Variants in TRERF1 observed in about 807,000 individuals in gnomAD.
TRERF1 encodes transcriptional-regulating factor 1.
Under a neutral mutation model 122.9 loss-of-function variants are expected in TRERF1, and 27 were observed. That is an observed-to-expected ratio of 0.22 (90% confidence interval 0.16 to 0.30). The LOEUF is 0.30. Among genes scored for constraint, TRERF1 ranks in the 10% least tolerant of loss-of-function variants. The pLI is 1.00. For synonymous variants in TRERF1, 636 were observed against 641.7 expected, an observed-to-expected ratio of 0.99 and a Z score of 0.13; for missense variants, 1,248 against 1,560.3, an observed-to-expected ratio of 0.80 and a Z score of 3.37.
At chr6:42,421,481 C>T (rs1346668005) in intron 2 of TRERF1, among the ~76,000 whole-genome samples, 2 of 151,996 alleles carry the variant, frequency 1.3e-5, no homozygotes, top group Non-Finnish European at 2.9e-5. Context: ...TTTTTAAAAA[C>T]TGCTGGTCTT....
In TRERF1 at chr6:42,268,229, T is replaced by TC; in HGVS notation, c.1361_1362insG (p.Ser455IlefsTer30). ...TGTTGAGGTGGATCCCACTGGGGGA[T>TC]AGGAGGGGGCGATGGGGGAGGGTGC... is the stretch of plus-strand genomic sequence containing the variant. On this transcript the variant is annotated frameshift_variant, in exon 5 of 18. Coordinates refer to ENST00000372922, the Ensembl canonical transcript of TRERF1. LOFTEE classifies it high-confidence loss of function. This position sits in a 1 kb window ranked among gnomAD's most constrained non-coding sequence, Gnocchi z 4.4. 1 of 1,489,614 alleles carries TC rather than the reference T, an allele frequency of 6.7e-7. No homozygotes were observed. The highest frequency in any genetic ancestry group is 1.4e-5 in the African/African-American group (1 of 71,066). 92.3% of individuals were successfully genotyped at this position (1,489,614 alleles called of 1,614,324 possible). A position where few individuals can be genotyped will look rare whatever the true frequency, so the allele number is the denominator to read the frequency against.
At chr6:42,290,996 C>G (rs1161863643) in intron 4 of TRERF1, among the ~76,000 whole-genome samples, 2 of 152,002 alleles carry the variant, frequency 1.3e-5, no homozygotes, top group African/African-American at 4.8e-5. Flanking sequence ...GTGTGCATGT[C>G]CTCATGGCCA....
intron 3 of TRERF1, among the ~76,000 whole-genome samples, chr6:42,344,182 C>G (rs574849591): frequency 6.6e-6 from 1 of 152,214 alleles, no homozygotes; most frequent in Admixed American, 6.5e-5. Context: ...TCCATGCCCC[C>G]ACTATTGTTC....
chr6:42,404,576 T>C (rs530268145), intron 2 of TRERF1, among the ~76,000 whole-genome samples: 8 of 152,130 alleles, frequency 5.3e-5, no homozygotes, highest in Non-Finnish European at 1.0e-4. Context: ...TCCAGCCCAC[T>C]GCACCCAGCC....
Position 42,281,214 on chromosome 6 carries a change from T to G in TRERF1, c.-258-11366A>C, listed in dbSNP as rs1008554462. Among the ~76,000 whole-genome samples, 3 of 152,210 alleles carry G rather than the reference T, an allele frequency of 2.0e-5. No homozygotes were observed. The South Asian group carries it at 6.2e-4, about 32-fold the overall frequency. On this transcript the variant is annotated intron_variant, in intron 4 of 17. Coordinates refer to ENST00000372922, the Ensembl canonical transcript of TRERF1. ...GTCCCAATTTCTTGCCAAAACAACT[T>G]CCCTTTGCTGCTAGGGGACCCCTGC...
At chr6:42,264,846 G>A (rs777542610) in exon 7 of TRERF1, 1 of 1,614,106 alleles carries the variant, frequency 6.2e-7, no homozygotes, top group Non-Finnish European at 8.5e-7. Flanking sequence ...CGCTCCTTTG[G>A]GTTGGCCACT....
rs192790562 is a variant in TRERF1 at position 42,435,432 on chromosome 6, T to G, written c.-454+15745A>C. On this transcript the variant is annotated intron_variant, in intron 2 of 17. Transcript: ENST00000372922. ...CAGGCATGGTGGTGCACTCCTGTAG[T>G]GCCAGCTACTCAGGAGGCTGAGGCA... 3.0e-3 allele frequency among the ~76,000 whole-genome samples: 449 copies of G among 151,786 alleles called. 2 individuals carry two copies. The highest frequency in any genetic ancestry group is 0.01 in the African/African-American group (426 of 41,420).
At chr6:42,371,727 C>G (rs1773800108) in intron 2 of TRERF1, among the ~76,000 whole-genome samples, 2 of 152,118 alleles carry the variant, frequency 1.3e-5, no homozygotes, top group Non-Finnish European at 2.9e-5. Context: ...GCATTCAGCC[C>G]CTGTCCTATA....
In TRERF1 at chr6:42,268,221, C is replaced by G. The variant is rs1322546066; in HGVS notation, c.1370G>C (p.Ser457Thr). The change falls in exon 5 of 18, where the codon AGT (serine) becomes ACT (threonine). Residue 457 changes from serine (S) to threonine (T), a missense_variant. Coordinates refer to ENST00000372922, the Ensembl canonical transcript of TRERF1. This position sits in a 1 kb window ranked among gnomAD's most constrained non-coding sequence, Gnocchi z 4.4. ...CCCCATGTTGTTGAGGTGGATCCCA[C>G]TGGGGGATAGGAGGGGGCGATGGGG... 1 of 1,489,374 alleles carries G rather than the reference C, an allele frequency of 6.7e-7. No individual in the cohort carries two copies. The allele number at this position is 1,489,374 out of a possible 1,614,324, so 92.3% of individuals were successfully genotyped here. A position where few individuals can be genotyped will look rare whatever the true frequency, so the allele number is the denominator to read the frequency against.
chr6:42,299,786 T>G (rs1483396641), intron 4 of TRERF1, among the ~76,000 whole-genome samples: 1 of 152,242 alleles, frequency 6.6e-6, no homozygotes, highest in African/African-American at 2.4e-5. Flanking sequence ...CTATTTTGTC[T>G]TAAAAGACAG....
intron 6 of TRERF1, 105 bp from the exon 7 acceptor site, chr6:42,264,959 C>T (rs1778894998): frequency 1.6e-6 from 2 of 1,260,570 alleles, no homozygotes; most frequent in Non-Finnish European, 2.2e-6. Context: ...TTCATTCATC[C>T]AATGATCCCA....
In TRERF1 at chr6:42,432,000, T is replaced by C. The variant is rs543369308; in HGVS notation, c.-454+19177A>G. 3.3e-5 allele frequency among the ~76,000 whole-genome samples: 5 copies of C among 152,298 alleles called. No individual in the cohort carries two copies. The East Asian group carries it at 9.7e-4, about 29-fold the overall frequency. On this transcript the variant is annotated intron_variant, in intron 2 of 17. Transcript: ENST00000372922. ...TGAGAACGATGAGCTCATGGTAGTATAGTATAGCAGTTAACAGTACAGGCT... is the reference window on the plus strand; with the variant it reads ...TGAGAACGATGAGCTCATGGTAGTACAGTATAGCAGTTAACAGTACAGGCT...
chr6:42,346,195 G>A (rs1219038955), intron 3 of TRERF1, among the ~76,000 whole-genome samples: 1 of 152,216 alleles, frequency 6.6e-6, no homozygotes, highest in Non-Finnish European at 1.5e-5. Context: ...TTGGAGACAG[G>A]AGGTGGACCT....
At chr6:42,258,108 T>C (rs1432584892) in intron 10 of TRERF1, 27 bp downstream of exon 10, 12 of 1,603,854 alleles carry the variant, frequency 7.5e-6, no homozygotes, top group Non-Finnish European at 1.0e-5. Flanking sequence ...AGGCTTCTGT[T>C]CTAAAGAGTA....
chr6:42,360,676 C>A (rs1051132157), intron 3 of TRERF1, among the ~76,000 whole-genome samples: 1 of 149,790 alleles, frequency 6.7e-6, no homozygotes, highest in East Asian at 2.0e-4. Context: ...GAACTCTACA[C>A]ACCCCCAGCC....
rs532712540 is a variant in TRERF1, at chr6:42,350,531, T to C, written c.-371+12466A>G. Among the ~76,000 whole-genome samples, 9 of 152,312 alleles carry C rather than the reference T, an allele frequency of 5.9e-5. No homozygotes were observed. The East Asian group carries it at 1.5e-3, about 26-fold the overall frequency. On this transcript the variant is annotated intron_variant, in intron 3 of 17. Transcript: ENST00000372922. ...AAGTTCCTAGGGAAGGAAAGGGGCA[T>C]GGAGAAGCTGATCTCACTATCTCCA...
At chr6:42,284,075 C>T (rs1782777479) in intron 4 of TRERF1, among the ~76,000 whole-genome samples, 1 of 152,170 alleles carries the variant, frequency 6.6e-6, no homozygotes, top group South Asian at 2.1e-4. Context: ...ATCATTTGTG[C>T]ATAAACCACT....
intron 3 of TRERF1, among the ~76,000 whole-genome samples, chr6:42,318,135 C>T (rs908664237): frequency 6.6e-6 from 1 of 150,710 alleles, no homozygotes; most frequent in Non-Finnish European, 1.5e-5. Flanking sequence ...GTCTGAGTAA[C>T]AGGGCGAGAC....
intron 10 of TRERF1, among the ~76,000 whole-genome samples, chr6:42,257,546 T>A (rs1776996069): frequency 6.6e-6 from 1 of 152,218 alleles, no homozygotes; most frequent in African/African-American, 2.4e-5. Context: ...GAATAATTAC[T>A]CCCATTTGAC....
Sources: allele counts gnomAD v4.1 joint callset (sites outside exome capture counted in the v4.1 genomes callset), GRCh38; gene constraint gnomAD v4.1.1; non-coding constraint Gnocchi (gnomAD v3.1); transcripts MANE v1.5; gene names NCBI Gene and HGNC (gene_info 2026-07-23, HGNC 2026-07-21).